Variants in GPLD1 observed in about 807,000 individuals in gnomAD.
GPLD1 encodes the protein phosphatidylinositol-glycan-specific phospholipase D.
GPLD1 carries 84 observed loss-of-function variants against 112.6 expected under a neutral mutation model. The ratio of observed to expected loss-of-function variants is 0.75; its 90% CI spans 0.63 to 0.89. GPLD1 has a LOEUF of 0.89. GPLD1 is among the 40% of genes least tolerant of loss of function. GPLD1 has a pLI of 0.00. For missense variants in GPLD1, 1,044 were observed against 1,051.5 expected, an observed-to-expected ratio of 0.99 and a Z score of 0.10; for synonymous variants, 386 against 403.8, an observed-to-expected ratio of 0.96 and a Z score of 0.53.
chr6:24,446,430 C>T (rs185430453), intron 18 of GPLD1, among the ~76,000 whole-genome samples: 13 of 152,028 alleles, frequency 8.6e-5, no homozygotes, highest in Admixed American at 7.2e-4. Flanking sequence ...AGGACGAGTT[C>T]GAGCCTGCAG....
chr6:24,467,023 A>G (rs1403308253), intron 8 of GPLD1, 84 bp from the exon 9 acceptor site: 1 of 1,231,730 alleles, frequency 8.1e-7, no homozygotes, highest in Non-Finnish European at 1.2e-6. Context: ...AGTTCCATCC[A>G]CCCTTTTCCA....
intron 11 of GPLD1, among the ~76,000 whole-genome samples, chr6:24,460,623 T>C (rs2793435): frequency 0.11 from 17,225 of 152,166 alleles, 1,646 homozygotes; most frequent in African/African-American, 0.25. Context: ...ATAAAACATA[T>C]TTCCTATAAT....
chr6:24,486,272 TG>T (rs1325695891), intron 1 of GPLD1, 142 bp from the exon 2 acceptor site: 1 of 638,292 alleles, frequency 1.6e-6, no homozygotes, highest in Non-Finnish European at 2.8e-6. Flanking sequence ...TTGCACTCAC[TG>T]GCAATTTTCA....
At chr6:24,490,134 T>C (rs1415493542), upstream of GPLD1, among the ~76,000 whole-genome samples, 2 of 152,198 alleles carry the variant, frequency 1.3e-5, no homozygotes, top group East Asian at 1.9e-4. Flanking sequence ...CCTCTGGCTG[T>C]TCTAATAGGG....
intron 2 of GPLD1, among the ~76,000 whole-genome samples, chr6:24,482,750 G>A (rs1764246681): frequency 6.6e-6 from 1 of 151,700 alleles, no homozygotes; most frequent in African/African-American, 2.4e-5. Context: ...CTTCAGCCCA[G>A]GAGTTCAAGA....
chr6:24,460,243 A>G lies in GPLD1; in HGVS notation c.1008+36T>C, dbSNP rs200634382. On this transcript the variant is annotated intron_variant, in intron 12 of 24. Transcript: ENST00000230036. ...GAAACAAGGTATCTCAAGAAGCAGCATTCCTCTTTCTCAACTTAGAGCAGA... is the reference window on the plus strand; with the variant it reads ...GAAACAAGGTATCTCAAGAAGCAGCGTTCCTCTTTCTCAACTTAGAGCAGA... 1.9e-5 allele frequency: 31 copies of G among 1,611,634 alleles called. No individual in the cohort carries two copies. The East Asian group carries it at 6.5e-4, about 34-fold the overall frequency.
intron 1 of GPLD1, chr6:24,494,757 G>A (rs1764646408): frequency 5.3e-6 from 2 of 380,242 alleles, no homozygotes; most frequent in African/African-American, 2.1e-5. Context: ...CCGGGAGAAG[G>A]TCGCGCCAGG....
At chr6:24,453,938 T>C in intron 14 of GPLD1, 77 bp downstream of exon 14, 1 of 873,454 alleles carries the variant, frequency 1.1e-6, no homozygotes, top group Middle Eastern at 2.3e-4. Flanking sequence ...TATTAGTTAC[T>C]CATCCTGGAG....
At chr6:24,475,688 C>CAAAA (rs35291266) in intron 4 of GPLD1, among the ~76,000 whole-genome samples, 1 of 113,312 alleles carries the variant, frequency 8.8e-6, no homozygotes, top group Admixed American at 9.4e-5. Context: ...ACTAAAAATA[C>CAAAA]AAAAAAAAAA....
At chr6:24,489,300 G>A in intron 1 of GPLD1, 115 bp downstream of exon 1, 1 of 765,536 alleles carries the variant, frequency 1.3e-6, no homozygotes, top group East Asian at 2.7e-5. Context: ...AGGCCACTCA[G>A]CTCAGTGCCC....
rs374451762 is a variant in GPLD1 at position 24,454,120 on chromosome 6, G to A, written c.1230C>T (p.His410=). The change falls in exon 14 of 25, where the codon CAC becomes CAT. Residue 410 remains histidine (H), a synonymous_variant. Coordinates refer to ENST00000230036, the MANE Select transcript of GPLD1 (RefSeq NM_001503.4). ...TGAGGTACACGCGCCCGATGTGGAT[G>A]TGGCCGGGGCGGCTGTAGCCTGGTG... is the stretch of plus-strand genomic sequence containing the variant. ...VGAPGYSRPG[H]IHIGRVYLIY... 6.2e-7 allele frequency: 1 copy of A among 1,614,090 alleles called. No individual in the cohort carries two copies. Among genetic ancestry groups the A allele is most frequent in the Non-Finnish European group, 8.5e-7 (1 of 1,179,940 alleles).
At chr6:24,486,244 G>T in intron 1 of GPLD1, 114 bp from the exon 2 acceptor site, 2 of 705,138 alleles carry the variant, frequency 2.8e-6, no homozygotes, top group Non-Finnish European at 5.0e-6. Flanking sequence ...TGTCAAGGAC[G>T]CAGGAAATGA....
At chr6:24,436,530 T>C in intron 22 of GPLD1, 46 bp downstream of exon 22, 1 of 1,528,806 alleles carries the variant, frequency 6.5e-7, no homozygotes, top group Non-Finnish European at 9.0e-7. Context: ...AATCAGCAAT[T>C]AGTGATCCTT....
At position 24,436,668 on chromosome 6, in the gene GPLD1, C is replaced by A. The variant is rs752623646; in HGVS notation, c.2266G>T (p.Gly756Cys). ...VTSGLIGGED[G>C]RVYVYNGKET... ...TTGCCATTATATACATATACTCGGC[C>A]GTCTTCTCCCCCAATCAGTCCAGAG... Residue 756 changes from glycine (G) to cysteine (C), a missense_variant, in exon 22 of 25, where the codon GGC becomes TGC. By Grantham distance (159) the Gly-to-Cys change is radical. Coordinates refer to ENST00000230036, the MANE Select transcript of GPLD1 (RefSeq NM_001503.4). 22 of 1,613,814 alleles carry A rather than the reference C, an allele frequency of 1.4e-5. No homozygotes were observed. Among genetic ancestry groups the A allele is most frequent in the Middle Eastern group, 1.6e-4 (1 of 6,082 alleles).
At chr6:24,476,353 C>A in intron 3 of GPLD1, 75 bp from the exon 4 acceptor site, 1 of 745,198 alleles carries the variant, frequency 1.3e-6, no homozygotes, top group Admixed American at 2.1e-5. Context: ...CCACACCACC[C>A]GCTGCGCTGC....
intron 2 of GPLD1, among the ~76,000 whole-genome samples, chr6:24,485,606 A>G (rs1284973303): frequency 1.3e-5 from 2 of 152,174 alleles, no homozygotes; most frequent in East Asian, 3.8e-4. Flanking sequence ...TAACCATAAT[A>G]TTAATGTCTT....
Position 24,467,750 on chromosome 6 carries a change from A to C in GPLD1, c.546-476T>G, listed in dbSNP as rs9467178. ...TCAGAGTATATAAAGTATACAAAAAAGTATACCAAAGTATAAAAATATTGT... is the reference window on the plus strand; with the variant it reads ...TCAGAGTATATAAAGTATACAAAAACGTATACCAAAGTATAAAAATATTGT... On this transcript the variant is annotated intron_variant, in intron 7 of 24. Coordinates refer to ENST00000230036, the MANE Select transcript of GPLD1 (RefSeq NM_001503.4). Among the ~76,000 whole-genome samples the C allele has an allele frequency of 1.4e-3, 214 of 152,340 alleles. 1 individual carries two copies. The highest frequency in any genetic ancestry group is 4.8e-3 in the African/African-American group (201 of 41,578).
At chr6:24,481,752 T>C (rs533253136) in intron 2 of GPLD1, among the ~76,000 whole-genome samples, 25 of 152,302 alleles carry the variant, frequency 1.6e-4, no homozygotes, top group Admixed American at 5.9e-4. Context: ...CGTGGAGAGA[T>C]ATAGAAACCA....
At chr6:24,448,432 T>A (rs962887320) in intron 15 of GPLD1, among the ~76,000 whole-genome samples, 1 of 151,856 alleles carries the variant, frequency 6.6e-6, no homozygotes, top group Non-Finnish European at 1.5e-5. Context: ...AAACTTTTAA[T>A]TAAAGCGAGA....
Sources: allele counts gnomAD v4.1 joint callset (sites outside exome capture counted in the v4.1 genomes callset), GRCh38; gene constraint gnomAD v4.1.1; transcripts MANE v1.5; gene names NCBI Gene and HGNC (gene_info 2026-07-23, HGNC 2026-07-21).